Variants in ARFGEF3 observed in about 807,000 individuals in gnomAD.
The protein encoded by ARFGEF3 is ARFGEF family member 3, also known as brefeldin A-inhibited guanine nucleotide-exchange protein 3.
A neutral mutation model predicts 221.7 loss-of-function variants in ARFGEF3; 96 were observed. The observed-to-expected ratio is 0.43, with a 90% CI of 0.37 to 0.51. The LOEUF (loss-of-function observed/expected upper bound fraction) is 0.51, where lower values mean the gene tolerates loss of function less well. ARFGEF3 is among the 20% of genes least tolerant of loss of function. The pLI, the probability that ARFGEF3 is intolerant of heterozygous loss-of-function variation, is 0.00. For missense variants in ARFGEF3, 2,410 were observed against 2,789.9 expected (o/e 0.86, Z 3.07); for synonymous variants, 1,145 against 1,126.8 (o/e 1.02, Z -0.32).
In ARFGEF3 at chr6:138,334,518, C is replaced by T; in HGVS notation, c.5672C>T (p.Pro1891Leu). The change falls in exon 33 of 34, where the codon CCT (proline) becomes CTT (leucine). Residue 1891 changes from proline to leucine, a missense_variant. By Grantham distance (98) the Pro-to-Leu change is moderately conservative. Coordinates refer to ENST00000251691, the MANE Select transcript of ARFGEF3 (RefSeq NM_020340.5). This position sits in a 1 kb window ranked among gnomAD's most constrained non-coding sequence, Gnocchi z 5.1. ...CGGATGCCCTTGCTCAGCGTCCAGC[C>T]TGTCAGCAACGCAGATTGGGTGTGG... ...RARMPLLSVQPVSNADWVWLV... is the reference protein window; with the variant it reads ...RARMPLLSVQLVSNADWVWLV... The T allele has an allele frequency of 6.2e-7, 1 of 1,612,996 alleles. No individual in the cohort carries two copies.
At chr6:138,194,183 A>G (rs1044075425) in intron 2 of ARFGEF3, among the ~76,000 whole-genome samples, 12 of 151,104 alleles carry the variant, frequency 7.9e-5, no homozygotes, top group South Asian at 4.2e-4. Context: ...CAGGAGAATC[A>G]CTTGAACCCA....
At chr6:138,282,249 C>A (rs1466393000) in intron 14 of ARFGEF3, among the ~76,000 whole-genome samples, 2 of 151,860 alleles carry the variant, frequency 1.3e-5, no homozygotes, top group Non-Finnish European at 2.9e-5. Context: ...GCCGCCGCAC[C>A]CACCCTCCCC....
Position 138,232,429 on chromosome 6 carries a change from G to A in ARFGEF3, c.420+2577G>A, listed in dbSNP as rs567527563. On this transcript the variant is annotated intron_variant, in intron 5 of 33. Transcript: ENST00000251691. ...CTGAGGCAGAATTGGTTAAACCTGG[G>A]AGGCGGAGGCTGCAGTGAGCCTGTT... is the stretch of plus-strand genomic sequence containing the variant. Among the ~76,000 whole-genome samples the A allele has an allele frequency of 7.7e-4, 117 of 152,288 alleles. 1 individual carries two copies. The highest frequency in any genetic ancestry group is 1.4e-3 in the Non-Finnish European group (95 of 68,024).
intron 4 of ARFGEF3, chr6:138,217,633 C>T (rs1777895228): frequency 5.1e-6 from 1 of 194,814 alleles, no homozygotes; most frequent in African/African-American, 2.3e-5. Flanking sequence ...TTGTTTTTAT[C>T]CCTCTGGTGC....
Position 138,335,028 on chromosome 6 carries a change from C to A in ARFGEF3, c.6182C>A (p.Ser2061Tyr). 6.3e-7 allele frequency: 1 copy of A among 1,593,404 alleles called. No homozygotes were observed. Among genetic ancestry groups the A allele is most frequent in the African/African-American group, 1.3e-5 (1 of 74,582 alleles). ...GEPLGPRGQD[S>Y]PLLQRPQHLM... ...CCACTGGGTCCCAGGGGCCAGGACT[C>A]CCCGCTGCTTCAGCGTCCCCAGCAC... Residue 2061 changes from serine to tyrosine, a missense_variant, in exon 33 of 34, where the codon TCC becomes TAC. Physicochemically the swap from Ser to Tyr is moderately radical, Grantham distance 144. This residue lies in a region of ARFGEF3 where 339 missense variants were observed against 334.9 expected (regional missense o/e 1.01). Coordinates refer to ENST00000251691, the MANE Select transcript of ARFGEF3 (RefSeq NM_020340.5).
At chr6:138,195,771 T>G (rs1777405442) in intron 2 of ARFGEF3, among the ~76,000 whole-genome samples, 1 of 152,132 alleles carries the variant, frequency 6.6e-6, no homozygotes, top group Admixed American at 6.5e-5. Context: ...TATTTTAATT[T>G]CTTTATATAT....
chr6:138,231,405 C>G (rs749817077), intron 5 of ARFGEF3, among the ~76,000 whole-genome samples: 1 of 150,786 alleles, frequency 6.6e-6, no homozygotes, highest in Non-Finnish European at 1.5e-5. Flanking sequence ...TGGAGTCATA[C>G]TGCTTAGATA....
chr6:138,314,535 C>T (rs1779885738), intron 26 of ARFGEF3, among the ~76,000 whole-genome samples: 1 of 152,196 alleles, frequency 6.6e-6, no homozygotes, highest in Admixed American at 6.5e-5. Flanking sequence ...AGAGTCTCAT[C>T]TAAATCAGGT....
intron 4 of ARFGEF3, chr6:138,218,095 A>G (rs774630423): frequency 6.2e-7 from 1 of 1,613,974 alleles, no homozygotes; most frequent in South Asian, 1.1e-5. Context: ...GCTTCTGAAG[A>G]TAATGAGGAA....
chr6:138,296,690 A>G (rs750959194), intron 20 of ARFGEF3, 120 bp from the exon 21 acceptor site: 60 of 1,181,900 alleles, frequency 5.1e-5, no homozygotes, highest in Non-Finnish European at 7.0e-5. Flanking sequence ...TCCCTTGGTT[A>G]GCCAATATCG....
At chr6:138,330,876 C>CAATT (rs755796357) in intron 32 of ARFGEF3, among the ~76,000 whole-genome samples, 2 of 146,642 alleles carry the variant, frequency 1.4e-5, no homozygotes, top group Non-Finnish European at 3.0e-5. Context: ...AGAACTCTAC[C>CAATT]AATTCTAGCC....
At chr6:138,243,769 A>G (rs1159291400) in intron 7 of ARFGEF3, among the ~76,000 whole-genome samples, 1 of 152,146 alleles carries the variant, frequency 6.6e-6, no homozygotes, top group African/African-American at 2.4e-5. Flanking sequence ...AATAGCCACA[A>G]TTAGGAGAGG....
At chr6:138,255,200 T>C (rs1295137661) in intron 9 of ARFGEF3, among the ~76,000 whole-genome samples, 1 of 152,210 alleles carries the variant, frequency 6.6e-6, no homozygotes, top group Non-Finnish European at 1.5e-5. Flanking sequence ...CTTATGATGG[T>C]TTCTTAATGC....
At chr6:138,260,339 G>C (rs1336687957) in intron 10 of ARFGEF3, among the ~76,000 whole-genome samples, 1 of 152,202 alleles carries the variant, frequency 6.6e-6, no homozygotes, top group Non-Finnish European at 1.5e-5. Context: ...GCTTTGCTTG[G>C]AGTATCAATC....
At chr6:138,203,862 C>G (rs778992508) in intron 2 of ARFGEF3, among the ~76,000 whole-genome samples, 1 of 151,500 alleles carries the variant, frequency 6.6e-6, no homozygotes, top group African/African-American at 2.4e-5. Flanking sequence ...AGGATGGTCT[C>G]TATTGCTTGA....
At chr6:138,227,352 G>A (rs897076770) in intron 4 of ARFGEF3, among the ~76,000 whole-genome samples, 5 of 152,144 alleles carry the variant, frequency 3.3e-5, no homozygotes, top group East Asian at 3.8e-4. Context: ...CCGCTGCTCC[G>A]AAAAGCAGCT....
At chr6:138,317,937 T>C (rs1021605747) in intron 27 of ARFGEF3, among the ~76,000 whole-genome samples, 1 of 152,198 alleles carries the variant, frequency 6.6e-6, no homozygotes, top group Non-Finnish European at 1.5e-5. Flanking sequence ...CTTTTAGGAA[T>C]TTATTTCTTG....
chr6:138,235,327 C>T (rs1262236901), intron 5 of ARFGEF3, among the ~76,000 whole-genome samples: 2 of 152,190 alleles, frequency 1.3e-5, no homozygotes, highest in Non-Finnish European at 1.5e-5. Context: ...CACTGCCCTG[C>T]ATCTTTGTGT....
chr6:138,213,138 A>T (rs1389361023), intron 4 of ARFGEF3, among the ~76,000 whole-genome samples: 1 of 152,012 alleles, frequency 6.6e-6, no homozygotes, highest in Non-Finnish European at 1.5e-5. Context: ...AATACAAAAA[A>T]TTAGCCGGGC....
Sources: allele counts gnomAD v4.1 joint callset (sites outside exome capture counted in the v4.1 genomes callset), GRCh38; gene constraint gnomAD v4.1.1; regional missense constraint gnomAD v4.1.1; non-coding constraint Gnocchi (gnomAD v3.1); transcripts MANE v1.5; gene names NCBI Gene and HGNC (gene_info 2026-07-23, HGNC 2026-07-21).